Variants in SLC7A14 observed in about 807,000 individuals in gnomAD.
SLC7A14 encodes the protein solute carrier family 7 member 14, also known as gamma-aminobutyric acid transporter SLC7A14.
Under a neutral mutation model 60.2 loss-of-function variants are expected in SLC7A14, and 37 were observed. That is an observed-to-expected ratio of 0.61 (90% CI 0.47 to 0.81). SLC7A14 has a LOEUF of 0.81. Ranked by LOEUF, SLC7A14 falls within the 30% of genes least tolerant of loss-of-function variation. The probability of loss-of-function intolerance (pLI) is 0.00; values close to 1 mark genes in which losing one functional copy is unlikely to be tolerated. For missense variants in SLC7A14, 886 were observed against 982.7 expected (o/e 0.90, Z 1.32); for synonymous variants, 399 against 395.8 (o/e 1.01, Z -0.10).
At position 170,578,964 on chromosome 3, in the gene SLC7A14, CT is replaced by C; in HGVS notation, c.-153+6946del. ...TTTTCTATGGCTTATAGTTCCACCC[CT>C]GAAATTTCTACCTGCTGACCATCCT... On this transcript the variant is annotated intron_variant, in intron 1 of 7. Transcript: ENST00000231706. Among the ~76,000 whole-genome samples, 5 of 152,322 alleles carry C rather than the reference CT, an allele frequency of 3.3e-5. 1 individual carries two copies. The Middle Eastern group carries it at 0.01, about 311-fold the overall frequency.
intron 5 of SLC7A14, among the ~76,000 whole-genome samples, chr3:170,483,928 G>A (rs1232071158): frequency 1.3e-5 from 2 of 152,210 alleles, no homozygotes; most frequent in Non-Finnish European, 2.9e-5. Flanking sequence ...ACGTGGACAA[G>A]ACTCTCATTT....
At position 170,483,395 on chromosome 3, in the gene SLC7A14, C is replaced by G. The variant is rs767643797; in HGVS notation, c.1034G>C (p.Gly345Ala). 1 of 1,614,234 alleles carries G rather than the reference C, an allele frequency of 6.2e-7. No individual in the cohort carries two copies. Among genetic ancestry groups the G allele is most frequent in the Non-Finnish European group, 8.5e-7 (1 of 1,180,038 alleles). The change falls in exon 6 of 8, where the codon GGA (glycine) becomes GCA (alanine). Residue 345 changes from glycine to alanine, a missense_variant. Gly to Ala is a moderately conservative substitution (Grantham distance 60). Coordinates refer to ENST00000231706, the MANE Select transcript of SLC7A14 (RefSeq NM_020949.3). Reference protein sequence around the residue: ...KFVVAIGSVAGLTVSLLGSLF... With the variant: ...KFVVAIGSVAALTVSLLGSLF... ...GGACCCCAGCAAGCTGACTGTCAGTCCTGCAACCGACCCAATGGCCACTAC... is the reference window on the plus strand; with the variant it reads ...GGACCCCAGCAAGCTGACTGTCAGTGCTGCAACCGACCCAATGGCCACTAC...
At chr3:170,491,890 C>T (rs1400598774) in intron 4 of SLC7A14, among the ~76,000 whole-genome samples, 1 of 152,164 alleles carries the variant, frequency 6.6e-6, no homozygotes, top group Non-Finnish European at 1.5e-5. Flanking sequence ...AAGACCAACA[C>T]ACCTACCAGG....
At chr3:170,509,015 A>T (rs1712876576) in intron 2 of SLC7A14, among the ~76,000 whole-genome samples, 1 of 152,112 alleles carries the variant, frequency 6.6e-6, no homozygotes, top group African/African-American at 2.4e-5. Flanking sequence ...ACCTGCACTG[A>T]TGTCCTCTTC....
intron 1 of SLC7A14, among the ~76,000 whole-genome samples, chr3:170,572,405 T>G (rs1714983014): frequency 6.6e-6 from 1 of 152,240 alleles, no homozygotes; most frequent in Non-Finnish European, 1.5e-5. Context: ...AATATCTACT[T>G]TATATGATTA....
At chr3:170,504,889 A>G (rs60351302) in intron 2 of SLC7A14, among the ~76,000 whole-genome samples, 211 of 152,268 alleles carry the variant, frequency 1.4e-3, no homozygotes, top group African/African-American at 4.8e-3. Flanking sequence ...GGGAGTGTCT[A>G]CGGTTCTCAT....
At chr3:170,495,846 G>C in intron 4 of SLC7A14, 1 of 1,161,352 alleles carries the variant, frequency 8.6e-7, no homozygotes, top group Non-Finnish European at 1.3e-6. Flanking sequence ...TCGGATCAAC[G>C]TATTTGAGAG....
At chr3:170,496,358 G>A (rs1233970905) in intron 4 of SLC7A14, 2 of 1,389,152 alleles carry the variant, frequency 1.4e-6, no homozygotes, top group African/African-American at 1.4e-5. Context: ...AGATCTCCGA[G>A]ATGAACCGGA....
intron 2 of SLC7A14, among the ~76,000 whole-genome samples, chr3:170,514,926 C>T (rs1713102704): frequency 6.6e-6 from 1 of 152,202 alleles, no homozygotes. Flanking sequence ...GATGCAGAAA[C>T]TGTTATAATT....
chr3:170,525,211 G>A (rs146832635), intron 2 of SLC7A14, among the ~76,000 whole-genome samples: 17 of 152,200 alleles, frequency 1.1e-4, no homozygotes, highest in Non-Finnish European at 2.2e-4. Flanking sequence ...GCAAAAAGCC[G>A]GAGGTTTTCC....
At chr3:170,533,470 T>A (rs994523432) in intron 1 of SLC7A14, among the ~76,000 whole-genome samples, 9 of 152,238 alleles carry the variant, frequency 5.9e-5, no homozygotes, top group African/African-American at 2.2e-4. Context: ...TCTTGGAGTC[T>A]TATCTTTCCT....
intron 7 of SLC7A14, among the ~76,000 whole-genome samples, chr3:170,468,193 A>C (rs1739776204): frequency 6.6e-6 from 1 of 152,204 alleles, no homozygotes; most frequent in Non-Finnish European, 1.5e-5. Context: ...AAAGGAAAGA[A>C]ACTTGCCCCC....
chr3:170,580,604 C>T (rs1470860887), intron 1 of SLC7A14, among the ~76,000 whole-genome samples: 1 of 152,186 alleles, frequency 6.6e-6, no homozygotes, highest in African/African-American at 2.4e-5. Context: ...TATATCTCAA[C>T]TATTTACCTG....
At chr3:170,578,762 A>G (rs1440720309) in intron 1 of SLC7A14, among the ~76,000 whole-genome samples, 1 of 152,210 alleles carries the variant, frequency 6.6e-6, no homozygotes, top group East Asian at 1.9e-4. Context: ...GGAGGCAAAT[A>G]ATGGATTATT....
At chr3:170,473,731 A>G (rs1711517872) in intron 7 of SLC7A14, among the ~76,000 whole-genome samples, 1 of 152,204 alleles carries the variant, frequency 6.6e-6, no homozygotes, top group South Asian at 2.1e-4. Flanking sequence ...GTTGACTATA[A>G]TAACAACAAG....
chr3:170,488,445 G>T (rs931956702), intron 4 of SLC7A14, among the ~76,000 whole-genome samples: 1 of 152,208 alleles, frequency 6.6e-6, no homozygotes, highest in Non-Finnish European at 1.5e-5. Flanking sequence ...TTGGAAATGT[G>T]CTTGTTTTCA....
chr3:170,492,403 G>A (rs1402284554), intron 4 of SLC7A14, among the ~76,000 whole-genome samples: 1 of 152,190 alleles, frequency 6.6e-6, no homozygotes, highest in East Asian at 1.9e-4. Context: ...TACTTGGGAG[G>A]CTGAGGTGGG....
intron 1 of SLC7A14, among the ~76,000 whole-genome samples, chr3:170,580,631 G>T (rs1715210180): frequency 6.6e-6 from 1 of 152,134 alleles, no homozygotes; most frequent in African/African-American, 2.4e-5. Flanking sequence ...CATCTTACAA[G>T]GTAGCATCTA....
intron 2 of SLC7A14, among the ~76,000 whole-genome samples, chr3:170,521,249 A>G (rs1713332132): frequency 6.6e-6 from 1 of 152,228 alleles, no homozygotes; most frequent in Admixed American, 6.5e-5. Context: ...CAAATTGTAA[A>G]GAAAATAGAT....
Sources: allele counts gnomAD v4.1 joint callset (sites outside exome capture counted in the v4.1 genomes callset), GRCh38; gene constraint gnomAD v4.1.1; transcripts MANE v1.5; gene names NCBI Gene and HGNC (gene_info 2026-07-23, HGNC 2026-07-21).